ADAM23: variants seen among roughly 807,000 people sequenced by gnomAD.
The protein encoded by ADAM23 is ADAM metallopeptidase domain 23.
Under a neutral mutation model 120.1 loss-of-function variants are expected in ADAM23, and 33 were observed. That is an observed-to-expected ratio of 0.27 (90% CI 0.21 to 0.37). ADAM23 has a LOEUF of 0.37. Ranked by LOEUF, ADAM23 falls within the 10% of genes least tolerant of loss-of-function variation. The probability of loss-of-function intolerance (pLI) is 1.00; values close to 1 mark genes in which losing one functional copy is unlikely to be tolerated. For missense variants in ADAM23, 862 were observed against 1,058.2 expected (o/e 0.81, Z 2.57); for synonymous variants, 367 against 375.2 (o/e 0.98, Z 0.25).
At chr2:206,460,522 CA>C (rs1287729642) in intron 2 of ADAM23, among the ~76,000 whole-genome samples, 1 of 152,082 alleles carries the variant, frequency 6.6e-6, no homozygotes, top group Non-Finnish European at 1.5e-5. Context: ...GCCATTTTTA[CA>C]TTTTATTTGG....
chr2:206,458,603 G>A (rs1443889206), intron 2 of ADAM23, among the ~76,000 whole-genome samples: 3 of 152,218 alleles, frequency 2.0e-5, no homozygotes, highest in African/African-American at 7.2e-5. Flanking sequence ...GGCACTCTAA[G>A]TCAGGCTTGG....
chr2:206,530,394 A>G (rs1330991785), intron 3 of ADAM23, among the ~76,000 whole-genome samples: 1 of 152,164 alleles, frequency 6.6e-6, no homozygotes, highest in Non-Finnish European at 1.5e-5. Flanking sequence ...TGGTGATTAC[A>G]TTTTATGACA....
chr2:206,561,873 A>G (rs1697774613), intron 12 of ADAM23, among the ~76,000 whole-genome samples: 1 of 152,204 alleles, frequency 6.6e-6, no homozygotes, highest in Non-Finnish European at 1.5e-5. Context: ...CCAGTTGCCC[A>G]TTTAGTAGGT....
rs1699023828 is a variant in ADAM23 at position 206,619,933 on chromosome 2, TC to T, written c.*2309del. On this transcript the variant is annotated 3_prime_UTR_variant, in exon 26 of 26. Transcript: ENST00000264377. The stretch of plus-strand genomic sequence containing the variant: ...CTGGCTTCATAGGACACAGGTAGCA[TC>T]CCTCTAGTCATTGGCAATGGCTCTT... 1 of 152,202 alleles carries T rather than the reference TC, an allele frequency of 6.6e-6. No homozygotes were observed. The highest frequency in any genetic ancestry group is 6.5e-5 in the Admixed American group (1 of 15,280). 9.4% of individuals were successfully genotyped at this position (152,202 alleles called of 1,614,324 possible). A position where few individuals can be genotyped will look rare whatever the true frequency, so the allele number is the denominator to read the frequency against.
intron 6 of ADAM23, 71 bp downstream of exon 6, chr2:206,543,387 G>C: frequency 7.8e-7 from 1 of 1,289,068 alleles, no homozygotes; most frequent in Non-Finnish European, 1.1e-6. Context: ...GAAGAAAAGA[G>C]AAAAGAGTGT....
At chr2:206,579,554 G>A (rs958587492) in intron 18 of ADAM23, among the ~76,000 whole-genome samples, 2 of 151,972 alleles carry the variant, frequency 1.3e-5, no homozygotes, top group African/African-American at 4.8e-5. Flanking sequence ...AAGTATTTGG[G>A]TTTATTTCTG....
intron 5 of ADAM23, 116 bp from the exon 6 acceptor site, chr2:206,543,137 G>C (rs1396061618): frequency 4.6e-6 from 4 of 864,612 alleles, no homozygotes; most frequent in Non-Finnish European, 7.5e-6. Flanking sequence ...CAGTGTAAAG[G>C]GATTTGTTCA....
At chr2:206,615,530 T>C (rs1035550672) in intron 25 of ADAM23, among the ~76,000 whole-genome samples, 5 of 152,256 alleles carry the variant, frequency 3.3e-5, no homozygotes, top group Non-Finnish European at 7.3e-5. Context: ...CACAGTCCGC[T>C]TGCCACAGGA....
At chr2:206,567,523 G>A (rs936511379) in intron 15 of ADAM23, among the ~76,000 whole-genome samples, 2 of 152,150 alleles carry the variant, frequency 1.3e-5, no homozygotes, top group Admixed American at 6.5e-5. Flanking sequence ...AGCATTCTCA[G>A]TCTCTGGTGT....
In ADAM23 at chr2:206,530,959, C is replaced by T. The variant is rs369603661; in HGVS notation, c.573+11C>T. ...CCACAGTACTCTAAGGTACGGTTAC[C>T]GGCGTCGGCAAGTACTCTAGTATAA... On this transcript the variant is annotated intron_variant, in intron 4 of 25. Transcript: ENST00000264377. The T allele has an allele frequency of 4.0e-5, 65 of 1,611,596 alleles. No individual in the cohort carries two copies. The highest frequency in any genetic ancestry group is 1.2e-4 in the Admixed American group (7 of 59,864).
intron 14 of ADAM23, 72 bp from the exon 15 acceptor site, chr2:206,567,137 TTTGTTCTAATTTAG>T (rs1697902187): frequency 2.9e-6 from 3 of 1,034,916 alleles, no homozygotes; most frequent in Admixed American, 4.2e-5. Context: ...AAGTGAACAT[TTTGTTCTAATTTAG>T]GGGTTTTAAT....
rs955180203 is a variant in ADAM23, at chr2:206,567,399, G to A, written c.1494+77G>A. 6 of 1,168,606 alleles carry A rather than the reference G, an allele frequency of 5.1e-6. No homozygotes were observed. In the Admixed American group the frequency reaches 1.3e-4, roughly 25 times the overall value. 72.4% of individuals were successfully genotyped at this position (1,168,606 alleles called of 1,614,324 possible). On this transcript the variant is annotated intron_variant, in intron 15 of 25. Coordinates refer to ENST00000264377, the MANE Select transcript of ADAM23 (RefSeq NM_003812.4). ...TACAGTGCAACAGTGCTGGATATCA[G>A]ACGCCTGTCTTGGAAAGCAGGTTTC...
intron 3 of ADAM23, among the ~76,000 whole-genome samples, chr2:206,520,930 T>C (rs931232833): frequency 8.5e-5 from 13 of 152,172 alleles, no homozygotes; most frequent in Non-Finnish European, 1.2e-4. Context: ...AACTGGACTT[T>C]TAGCTTTTCC....
Position 206,481,326 on chromosome 2 carries a change from ATCT to A in ADAM23, c.509+23_509+25del, listed in dbSNP as rs770179584. 3.5e-5 allele frequency: 54 copies of A among 1,555,466 alleles called. No homozygotes were observed. Among genetic ancestry groups the A allele is most frequent in the African/African-American group, 2.8e-5 (2 of 71,998 alleles). ...CTGAACAAGTGAGTATTTAGACATA[ATCT>A]TCTTAAGAAGCAGGTGCAATAAAGC... On this transcript the variant is annotated intron_variant, in intron 3 of 25. Coordinates refer to ENST00000264377, the MANE Select transcript of ADAM23 (RefSeq NM_003812.4).
chr2:206,503,694 C>T (rs1452533015), intron 3 of ADAM23, among the ~76,000 whole-genome samples: 3 of 152,106 alleles, frequency 2.0e-5, no homozygotes, highest in Non-Finnish European at 4.4e-5. Flanking sequence ...AGTATACTTT[C>T]TATTACATGA....
At chr2:206,574,188 C>T (rs1217667983) in intron 18 of ADAM23, among the ~76,000 whole-genome samples, 6 of 152,114 alleles carry the variant, frequency 3.9e-5, no homozygotes, top group East Asian at 1.9e-4. Flanking sequence ...ATCATGTCAA[C>T]GTTCAAAAAG....
At chr2:206,500,836 A>T (rs186565610) in intron 3 of ADAM23, among the ~76,000 whole-genome samples, 1 of 152,172 alleles carries the variant, frequency 6.6e-6, no homozygotes, top group African/African-American at 2.4e-5. Context: ...TTTGAGTGTC[A>T]CAACCTCATG....
At chr2:206,593,713 C>T (rs1025378404) in intron 22 of ADAM23, among the ~76,000 whole-genome samples, 1 of 151,848 alleles carries the variant, frequency 6.6e-6, no homozygotes, top group African/African-American at 2.4e-5. Flanking sequence ...GATAAAATAG[C>T]CTTGTTAAAT....
At chr2:206,557,591 T>A (rs1697672567) in intron 10 of ADAM23, 93 bp downstream of exon 10, 1 of 1,190,464 alleles carries the variant, frequency 8.4e-7, no homozygotes. Context: ...TTGAACAAAT[T>A]TAAAAACACA....
Sources: allele counts gnomAD v4.1 joint callset (sites outside exome capture counted in the v4.1 genomes callset), GRCh38; gene constraint gnomAD v4.1.1; transcripts MANE v1.5; gene names NCBI Gene and HGNC (gene_info 2026-07-23, HGNC 2026-07-21).